Variants in ARHGAP15 observed in about 807,000 individuals in gnomAD.
ARHGAP15 encodes rho GTPase-activating protein 15.
Under a neutral mutation model 63.7 loss-of-function variants are expected in ARHGAP15, and 51 were observed. The ratio of observed to expected loss-of-function variants is 0.80; its 90% CI spans 0.64 to 1.01. The LOEUF is 1.01. ARHGAP15 is among the 50% of genes least tolerant of loss of function. ARHGAP15 has a pLI of 0.00. For missense variants in ARHGAP15, 560 were observed against 564.6 expected, an observed-to-expected ratio of 0.99 and a Z score of 0.08; for synonymous variants, 191 against 193.8, an observed-to-expected ratio of 0.99 and a Z score of 0.12.
In ARHGAP15 at chr2:143,259,601, CTGAT is replaced by C. The variant is rs1431111743; in HGVS notation, c.474+9003_474+9006del. ...ACTTGGCATTTCAACACTGGCTTCT[CTGAT>C]TCGGTTTGACTGGGTGCTCTCGGGA... is the stretch of plus-strand genomic sequence containing the variant. On this transcript the variant is annotated intron_variant, in intron 6 of 13. Coordinates refer to ENST00000295095, the MANE Select transcript of ARHGAP15 (RefSeq NM_018460.4). Among the ~76,000 whole-genome samples the C allele has an allele frequency of 6.6e-5, 10 of 152,230 alleles. No homozygotes were observed. In the South Asian group the frequency reaches 2.1e-3, roughly 32 times the overall value.
Position 143,255,522 on chromosome 2 carries a change from C to T in ARHGAP15, c.474+4922C>T, listed in dbSNP as rs149861150. 5.7e-4 allele frequency among the ~76,000 whole-genome samples: 86 copies of T among 152,124 alleles called. 1 individual carries two copies. Among genetic ancestry groups the T allele is most frequent in the African/African-American group, 2.0e-3 (83 of 41,510 alleles). ...TCCATGGATATGCATTACATTTAAA[C>T]ATAATTTGATCTTTCTGATCTGAAT... is the stretch of plus-strand genomic sequence containing the variant. On this transcript the variant is annotated intron_variant, in intron 6 of 13. Transcript: ENST00000295095.
intron 2 of ARHGAP15, among the ~76,000 whole-genome samples, chr2:143,194,455 A>C (rs925432813): frequency 1.3e-5 from 2 of 152,236 alleles, no homozygotes; most frequent in African/African-American, 4.8e-5. Flanking sequence ...CTTAGATCTA[A>C]TACCATTAGT....
intron 12 of ARHGAP15, among the ~76,000 whole-genome samples, chr2:143,689,962 C>T (rs560311330): frequency 5.3e-4 from 80 of 152,250 alleles, no homozygotes; most frequent in Non-Finnish European, 8.8e-4. Flanking sequence ...GAAAGGAAGG[C>T]GACTGGTGAG....
intron 12 of ARHGAP15, among the ~76,000 whole-genome samples, chr2:143,691,030 G>T (rs1432414260): frequency 6.6e-6 from 1 of 152,118 alleles, no homozygotes; most frequent in Non-Finnish European, 1.5e-5. Flanking sequence ...TTGAGGTTAG[G>T]ACAGCGGACG....
intron 6 of ARHGAP15, among the ~76,000 whole-genome samples, chr2:143,432,712 C>G (rs143386598): frequency 1.0e-3 from 157 of 152,106 alleles, no homozygotes; most frequent in Non-Finnish European, 1.8e-3. Context: ...TGAAAAAGTT[C>G]AAGACAAATT....
intron 12 of ARHGAP15, among the ~76,000 whole-genome samples, chr2:143,650,373 C>T (rs939000971): frequency 1.3e-5 from 2 of 151,896 alleles, no homozygotes; most frequent in African/African-American, 4.8e-5. Context: ...AAACAAGTCA[C>T]GTGTCCGCTC....
chr2:143,617,871 G>A (rs1698506357), intron 11 of ARHGAP15, among the ~76,000 whole-genome samples: 2 of 152,148 alleles, frequency 1.3e-5, no homozygotes, highest in African/African-American at 4.8e-5. Context: ...ACATAAAGCA[G>A]CCTCAACAGC....
intron 11 of ARHGAP15, among the ~76,000 whole-genome samples, chr2:143,613,729 C>T (rs1242584574): frequency 2.0e-5 from 3 of 152,180 alleles, no homozygotes; most frequent in African/African-American, 7.2e-5. Context: ...TTCTTATTAA[C>T]TGACTTCTTT....
chr2:143,764,871 C>T (rs1333487213), intron 13 of ARHGAP15, among the ~76,000 whole-genome samples: 6 of 152,164 alleles, frequency 3.9e-5, no homozygotes, highest in Admixed American at 3.3e-4. Flanking sequence ...ACTCCAAGTC[C>T]TAATGTTCTA....
chr2:143,381,698 T>C (rs547889199), intron 6 of ARHGAP15, among the ~76,000 whole-genome samples: 18 of 152,252 alleles, frequency 1.2e-4, no homozygotes, highest in African/African-American at 4.3e-4. Flanking sequence ...ACTATGACCA[T>C]CCTCTTGTGT....
chr2:143,691,973 T>C (rs1683621581), intron 12 of ARHGAP15, among the ~76,000 whole-genome samples: 1 of 152,216 alleles, frequency 6.6e-6, no homozygotes, highest in Non-Finnish European at 1.5e-5. Flanking sequence ...GGTGTTTTAA[T>C]ATTACCTCCG....
chr2:143,321,665 G>A (rs1574271342), intron 6 of ARHGAP15, among the ~76,000 whole-genome samples: 1 of 152,264 alleles, frequency 6.6e-6, no homozygotes, highest in South Asian at 2.1e-4. Flanking sequence ...AGGAAGGAGT[G>A]CAAGTTAGCT....
intron 11 of ARHGAP15, among the ~76,000 whole-genome samples, chr2:143,585,135 T>C (rs1211213327): frequency 1.3e-5 from 2 of 152,176 alleles, no homozygotes; most frequent in Non-Finnish European, 2.9e-5. Flanking sequence ...CATAGATGTC[T>C]AAAACTAAAA....
chr2:143,153,901 T>C (rs1181878545), intron 1 of ARHGAP15, among the ~76,000 whole-genome samples: 1 of 123,016 alleles, frequency 8.1e-6, no homozygotes, highest in Admixed American at 8.7e-5. Flanking sequence ...CTCCTCCTCC[T>C]ATTCCTCTTC....
chr2:143,743,468 A>C (rs1048215881), intron 13 of ARHGAP15, among the ~76,000 whole-genome samples: 5 of 151,950 alleles, frequency 3.3e-5, no homozygotes, highest in African/African-American at 1.2e-4. Context: ...GACAGTCTCC[A>C]TGTGGTTCCC....
chr2:143,620,326 C>A (rs1157754529), intron 11 of ARHGAP15, among the ~76,000 whole-genome samples: 1 of 152,096 alleles, frequency 6.6e-6, no homozygotes, highest in African/African-American at 2.4e-5. Flanking sequence ...TGCTACCTAA[C>A]AATTTGCTCC....
chr2:143,253,517 A>T (rs548309221), intron 6 of ARHGAP15, among the ~76,000 whole-genome samples: 4 of 152,120 alleles, frequency 2.6e-5, no homozygotes, highest in Non-Finnish European at 4.4e-5. Flanking sequence ...TGGAAACATA[A>T]CAATGACAAC....
In ARHGAP15 at chr2:143,216,451, A is replaced by G; in HGVS notation, c.296+6A>G. On this transcript the variant is annotated splice_donor_region_variant and intron_variant, in intron 4 of 13. Coordinates refer to ENST00000295095, the MANE Select transcript of ARHGAP15 (RefSeq NM_018460.4). ...GATGGAGGAAAGAAACTAAGGTAAT[A>G]AAATTCTTTAATTCACTTTTATATA... The G allele has an allele frequency of 6.3e-7, 1 of 1,586,422 alleles. No homozygotes were observed. Among genetic ancestry groups the G allele is most frequent in the South Asian group, 1.1e-5 (1 of 88,892 alleles).
At chr2:143,276,846 A>T (rs1171558393) in intron 6 of ARHGAP15, among the ~76,000 whole-genome samples, 1 of 152,180 alleles carries the variant, frequency 6.6e-6, no homozygotes, top group Non-Finnish European at 1.5e-5. Flanking sequence ...AGTTTCTTGC[A>T]TGGTGATGCT....
Sources: gnomAD v4.1 joint callset for allele counts (sites outside exome capture counted in the v4.1 genomes callset) on GRCh38, gnomAD v4.1.1 for gene constraint, MANE v1.5 for transcripts, NCBI Gene and HGNC (gene_info 2026-07-23, HGNC 2026-07-21) for gene names.